The following CELA2B variants were observed in gnomAD, a reference collection of about 807,000 sequenced individuals.
The protein encoded by CELA2B is chymotrypsin-like elastase family member 2B.
CELA2B carries 27 observed loss-of-function variants against 36.5 expected under a neutral mutation model. That is an observed-to-expected ratio of 0.74 (90% CI 0.55 to 1.02). CELA2B has a LOEUF of 1.02. CELA2B is among the 50% of genes least tolerant of loss of function. CELA2B has a pLI of 0.00. For missense variants in CELA2B, 340 were observed against 347.8 expected, an observed-to-expected ratio of 0.98 and a Z score of 0.18; for synonymous variants, 143 against 148.5, an observed-to-expected ratio of 0.96 and a Z score of 0.27.
intron 6 of CELA2B, among the ~76,000 whole-genome samples, 199 bp downstream of exon 6, chr1:15,486,245 C>A (rs1434166476): frequency 1.3e-5 from 2 of 152,092 alleles, no homozygotes; most frequent in Non-Finnish European, 2.9e-5. Flanking sequence ...CTTTGGGAGG[C>A]CGAGGTGGGT....
Position 15,483,289 on chromosome 1 carries a change from G to A in CELA2B, c.382G>A (p.Ala128Thr), listed in dbSNP as rs770716972. The A allele has an allele frequency of 3.1e-6, 5 of 1,613,816 alleles. No homozygotes were observed. The highest frequency in any genetic ancestry group is 1.1e-5 in the South Asian group (1 of 91,058). ...KGNDIALLKL[A>T]NPVSLTDKIQ... ...GAACGACATTGCCCTGCTCAAACTG[G>A]CTAACCCCGTCTCCCTCACCGACAA... The change falls in exon 5 of 8, where the codon GCT (alanine) becomes ACT (threonine). Residue 128 changes from alanine to threonine, a missense_variant. Physicochemically the swap from Ala to Thr is moderately conservative, Grantham distance 58. Coordinates refer to ENST00000375910, the MANE Select transcript of CELA2B (RefSeq NM_015849.3).
chr1:15,487,980 C>CCG (rs3060900), intron 7 of CELA2B, among the ~76,000 whole-genome samples: 1 of 151,864 alleles, frequency 6.6e-6, no homozygotes, highest in African/African-American at 2.4e-5. Flanking sequence ...AGTTGGTCCC[C>CCG]GTCTTGTAAA....
At chr1:15,490,186 A>C (rs1708860719) in intron 7 of CELA2B, among the ~76,000 whole-genome samples, 1 of 152,002 alleles carries the variant, frequency 6.6e-6, no homozygotes, top group Non-Finnish European at 1.5e-5. Flanking sequence ...TCATTGTTAA[A>C]AGCTTGGTGT....
In CELA2B at chr1:15,476,137, C is replaced by G. The variant is rs201639876; in HGVS notation, c.12C>G (p.Thr4=). 1,826 of 1,614,046 alleles carry G rather than the reference C, an allele frequency of 1.1e-3. 25 individuals are homozygous for G. The East Asian group carries it at 0.022, about 19-fold the overall frequency. Residue 4 remains threonine (T), a synonymous_variant, in exon 1 of 8, where the codon ACC becomes ACG. Transcript: ENST00000375910. ...CCCACGGACACACCATGATTAGGAC[C>G]CTGCTGCTGTCCACTTTGGTGGCTG... MIR[T]LLLSTLVAGA...
At chr1:15,476,764 C>A (rs975946318) in intron 2 of CELA2B, among the ~76,000 whole-genome samples, 2 of 152,110 alleles carry the variant, frequency 1.3e-5, no homozygotes, top group Non-Finnish European at 2.9e-5. Flanking sequence ...GGGCAGATTA[C>A]CTGAAGTCAG....
chr1:15,483,326 C>T lies in CELA2B; in HGVS notation c.419C>T (p.Ala140Val), dbSNP rs139801516. 5 of 1,613,954 alleles carry T rather than the reference C, an allele frequency of 3.1e-6. No individual in the cohort carries two copies. The African/African-American group carries it at 6.7e-5, about 22-fold the overall frequency. Residue 140 changes from alanine to valine, a missense_variant, in exon 5 of 8, where the codon GCC (alanine) becomes GTC (valine). Coordinates refer to ENST00000375910, the MANE Select transcript of CELA2B (RefSeq NM_015849.3). ...TCCCTCACCGACAAGATCCAGCTGG[C>T]CTGCCTCCCTCCTGCCGGCACCATT... Reference protein sequence around the residue: ...PVSLTDKIQLACLPPAGTILP... With the variant: ...PVSLTDKIQLVCLPPAGTILP...
Position 15,483,246 on chromosome 1 carries a change from G to C in CELA2B, c.357-18G>C. On this transcript the variant is annotated intron_variant, in intron 4 of 7. Coordinates refer to ENST00000375910, the MANE Select transcript of CELA2B (RefSeq NM_015849.3). The stretch of plus-strand genomic sequence containing the variant: ...AAAGTCAACCCTGTTCTCATGCTCC[G>C]CCTCCGCACTCACCCAGGAACGACA... 1 of 1,613,262 alleles carries C rather than the reference G, an allele frequency of 6.2e-7. No homozygotes were observed. Among genetic ancestry groups the C allele is most frequent in the Non-Finnish European group, 8.5e-7 (1 of 1,179,810 alleles).
chr1:15,487,136 T>C (rs547846891), intron 6 of CELA2B, 149 bp from the exon 7 acceptor site: 1 of 698,296 alleles, frequency 1.4e-6, no homozygotes, highest in African/African-American at 1.8e-5. Context: ...CTTGTTGGAA[T>C]TATGGTACCA....
intron 2 of CELA2B, among the ~76,000 whole-genome samples, chr1:15,477,356 C>A (rs74054737): frequency 2.0e-5 from 3 of 152,046 alleles, no homozygotes; most frequent in South Asian, 4.1e-4. Context: ...GACGTGTTAA[C>A]GGTGGGAATT....
rs757421140 is a variant in CELA2B at position 15,482,343 on chromosome 1, C to G, written c.306C>G (p.Val102=). 6.2e-7 allele frequency: 1 copy of G among 1,614,128 alleles called. No individual in the cohort carries two copies. Among genetic ancestry groups the G allele is most frequent in the East Asian group, 2.2e-5 (1 of 44,872 alleles). Residue 102 remains valine, a synonymous_variant, in exon 4 of 8, where the codon GTC becomes GTG. Coordinates refer to ENST00000375910, the MANE Select transcript of CELA2B (RefSeq NM_015849.3). ...VAESGSLAVS[V]SKIVVHKDWN... ...AGTCCGGCTCGCTGGCCGTCAGTGT[C>G]TCTAAGATTGTGGTGCACAAGGACT...
At chr1:15,491,146 T>C (rs1359580014) in intron 7 of CELA2B, 149 bp from the exon 8 acceptor site, 1 of 830,012 alleles carries the variant, frequency 1.2e-6, no homozygotes, top group African/African-American at 1.7e-5. Context: ...CGAAACATCA[T>C]CTGAACTCCT....
In CELA2B at chr1:15,482,124, AACTG is replaced by A. The variant is rs1432914698; in HGVS notation, c.228-136_228-133del. 15 of 936,978 alleles carry A rather than the reference AACTG, an allele frequency of 1.6e-5. No homozygotes were observed. The East Asian group carries it at 2.2e-4, about 14-fold the overall frequency. 58.0% of individuals were successfully genotyped at this position (936,978 alleles called of 1,614,324 possible). ...ATATACTTTAGGCCCTATGATAACT[AACTG>A]ACTGTCCCAGGGGAGGAAAGATCCC... On this transcript the variant is annotated intron_variant, in intron 3 of 7. Transcript: ENST00000375910.
At chr1:15,483,177 A>G in intron 4 of CELA2B, 87 bp from the exon 5 acceptor site, 4 of 1,582,370 alleles carry the variant, frequency 2.5e-6, no homozygotes, top group Non-Finnish European at 3.4e-6. Context: ...CGTACAGGGA[A>G]GATGACAAGG....
chr1:15,476,215 G>A, intron 1 of CELA2B, 50 bp downstream of exon 1: 1 of 1,612,660 alleles, frequency 6.2e-7, no homozygotes, highest in Non-Finnish European at 8.5e-7. Flanking sequence ...TGGTGGGGCT[G>A]GAAATGGGAT....
chr1:15,480,331 T>A (rs1174970003), intron 2 of CELA2B, among the ~76,000 whole-genome samples: 3 of 152,126 alleles, frequency 2.0e-5, no homozygotes, highest in Non-Finnish European at 4.4e-5. Flanking sequence ...CATCTCAGCC[T>A]CCTGAGTAGC....
intron 1 of CELA2B, 72 bp downstream of exon 1, chr1:15,476,237 C>T (rs1174837472): frequency 1.3e-6 from 2 of 1,596,412 alleles, no homozygotes; most frequent in East Asian, 4.5e-5. Context: ...TTCCTGTCCT[C>T]CCCTCTCGCC....
chr1:15,482,578 G>A (rs1172413115), intron 4 of CELA2B, among the ~76,000 whole-genome samples, 185 bp downstream of exon 4: 2 of 152,106 alleles, frequency 1.3e-5, no homozygotes, highest in African/African-American at 4.8e-5. Context: ...GTGACCTGGG[G>A]AGGGTGAAGC....
In CELA2B at chr1:15,482,268, C is replaced by T. The variant is rs1201566912; in HGVS notation, c.231C>T (p.Ser77=). Residue 77 remains serine (S), a synonymous_variant, in exon 4 of 8, where the codon TCC becomes TCT. Transcript: ENST00000375910. ...WVLTAAHCIS[S]SGIYRVMLGQ... is the part of the protein sequence containing the mutation. ...CCCTGGGACCCCTTTCTCCCAGCTC[C>T]TCCGGGATCTACCGCGTGATGCTGG... 3 of 1,613,820 alleles carry T rather than the reference C, an allele frequency of 1.9e-6. No homozygotes were observed. The African/African-American group carries it at 4.0e-5, about 22-fold the overall frequency.
chr1:15,479,371 C>T (rs1465890489), intron 2 of CELA2B, among the ~76,000 whole-genome samples: 1 of 151,960 alleles, frequency 6.6e-6, no homozygotes, highest in African/African-American at 2.4e-5. Flanking sequence ...ATGGTGAAAC[C>T]CCGTCTCTAT....
Sources: gnomAD v4.1 joint callset for allele counts (sites outside exome capture counted in the v4.1 genomes callset) on GRCh38, gnomAD v4.1.1 for gene constraint, MANE v1.5 for transcripts, NCBI Gene and HGNC (gene_info 2026-07-23, HGNC 2026-07-21) for gene names.